The following PPP1R1C variants were observed in gnomAD, a reference collection of about 807,000 sequenced individuals.
The protein encoded by PPP1R1C is protein phosphatase 1 regulatory subunit 1C.
PPP1R1C carries 15 observed loss-of-function variants against 17.4 expected under a neutral mutation model. The observed-to-expected ratio is 0.86, with a 90% CI of 0.58 to 1.33. The LOEUF (loss-of-function observed/expected upper bound fraction) is 1.33, where lower values mean the gene tolerates loss of function less well. PPP1R1C is among the 40% of genes most tolerant of loss of function. The pLI is 0.00. For synonymous variants in PPP1R1C, 35 were observed against 43.1 expected (o/e 0.81, Z 0.73); for missense variants, 143 against 130.0 (o/e 1.10, Z -0.48).
chr2:181,986,635 A>G (rs140381108), intron 1 of PPP1R1C, among the ~76,000 whole-genome samples: 36 of 152,300 alleles, frequency 2.4e-4, no homozygotes, highest in African/African-American at 8.4e-4. Context: ...CTTTATTTTC[A>G]TATGTTTTAT....
At chr2:181,997,724 G>A (rs566439511) in intron 2 of PPP1R1C, among the ~76,000 whole-genome samples, 5 of 152,018 alleles carry the variant, frequency 3.3e-5, no homozygotes, top group South Asian at 4.2e-4. Context: ...CATGATTTAC[G>A]GACAGAAGTA....
At chr2:181,965,731 T>G (rs1353226323) in intron 1 of PPP1R1C, among the ~76,000 whole-genome samples, 1 of 152,170 alleles carries the variant, frequency 6.6e-6, no homozygotes, top group Non-Finnish European at 1.5e-5. Flanking sequence ...TGAAGTCAGG[T>G]AATGTGATCC....
chr2:182,018,961 T>C (rs888399939), intron 2 of PPP1R1C, among the ~76,000 whole-genome samples: 1 of 152,148 alleles, frequency 6.6e-6, no homozygotes, highest in Admixed American at 6.5e-5. Flanking sequence ...GAAAATACTT[T>C]TGTGGTGAAA....
Position 182,090,317 on chromosome 2 carries a change from C to G in PPP1R1C, c.241+26526C>G, listed in dbSNP as rs990855387. ...TGTGTGTGTGTGTGTGTGTGTGTGT[C>G]AGAGAGAGACAGAGAGCAAGAGAGA... On this transcript the variant is annotated intron_variant, in intron 4 of 4. Transcript: ENST00000682840. 1.4e-3 allele frequency among the ~76,000 whole-genome samples: 130 copies of G among 92,486 alleles called. 1 individual carries two copies. Among genetic ancestry groups the G allele is most frequent in the African/African-American group, 8.2e-3 (120 of 14,682 alleles). The allele number at this position is 92,486 out of a possible 152,430, so 60.7% of individuals were successfully genotyped here. A position where few individuals can be genotyped will look rare whatever the true frequency, so the allele number is the denominator to read the frequency against.
intron 4 of PPP1R1C, 59 bp from the exon 5 acceptor site, chr2:182,117,148 G>A: frequency 8.6e-7 from 1 of 1,158,330 alleles, no homozygotes; most frequent in Non-Finnish European, 1.2e-6. Flanking sequence ...TTGCAGCAAA[G>A]CGGTTAATAT....
At chr2:182,097,584 G>A (rs775486094) in intron 4 of PPP1R1C, among the ~76,000 whole-genome samples, 1 of 152,110 alleles carries the variant, frequency 6.6e-6, no homozygotes, top group Non-Finnish European at 1.5e-5. Flanking sequence ...CCATGAAACT[G>A]GTGAGATTTA....
chr2:182,079,625 G>A (rs1688412911), intron 4 of PPP1R1C, among the ~76,000 whole-genome samples: 1 of 152,190 alleles, frequency 6.6e-6, no homozygotes, highest in Non-Finnish European at 1.5e-5. Flanking sequence ...CTTTGTATCA[G>A]TTTTCAAGGA....
At chr2:181,977,687 A>T (rs2125135842) in intron 2 of PPP1R1C, among the ~76,000 whole-genome samples, 1 of 152,286 alleles carries the variant, frequency 6.6e-6, no homozygotes. Context: ...TTTGGAGGCC[A>T]GCAACCATTT....
chr2:182,063,933 A>G, intron 4 of PPP1R1C, 142 bp downstream of exon 4: 1 of 630,260 alleles, frequency 1.6e-6, no homozygotes, highest in Non-Finnish European at 2.9e-6. Flanking sequence ...TCAGTAAGAT[A>G]TCTTATCTAC....
At chr2:182,029,380 C>CT in intron 2 of PPP1R1C, among the ~76,000 whole-genome samples, 2 of 152,202 alleles carry the variant, frequency 1.3e-5, no homozygotes, top group Admixed American at 1.3e-4. Context: ...TTAGCACTTC[C>CT]TTCAGGAGCT....
At chr2:182,083,494 T>A (rs1055517945) in intron 4 of PPP1R1C, among the ~76,000 whole-genome samples, 43 of 152,326 alleles carry the variant, frequency 2.8e-4, no homozygotes, top group African/African-American at 8.7e-4. Context: ...AGCTCCCTCT[T>A]GTAATCAGGA....
chr2:182,129,091 T>C (rs1198988849), exon 6 of PPP1R1C: 2 of 152,178 alleles, frequency 1.3e-5, no homozygotes, highest in African/African-American at 4.8e-5. Flanking sequence ...TGATGCCACG[T>C]TGCTTTCTAC....
chr2:181,986,250 T>C, intron 1 of PPP1R1C, 59 bp downstream of exon 1: 1 of 1,272,908 alleles, frequency 7.9e-7, no homozygotes, highest in Non-Finnish European at 1.1e-6. Flanking sequence ...ACATGCATTC[T>C]GGTTATTAAT....
chr2:182,129,653 A>G (rs1183533131), exon 6 of PPP1R1C: 1 of 152,170 alleles, frequency 6.6e-6, no homozygotes, highest in Non-Finnish European at 1.5e-5. Flanking sequence ...GTTATAGATA[A>G]GAAAACTAGA....
chr2:181,990,240 G>A (rs1037348098), intron 2 of PPP1R1C, among the ~76,000 whole-genome samples: 2 of 151,808 alleles, frequency 1.3e-5, no homozygotes, highest in African/African-American at 2.4e-5. Context: ...CGGGGTTCAC[G>A]CCATTCTCCT....
intron 2 of PPP1R1C, among the ~76,000 whole-genome samples, chr2:182,046,897 G>A (rs1443745373): frequency 1.3e-5 from 2 of 152,008 alleles, no homozygotes; most frequent in African/African-American, 2.4e-5. Context: ...ATGTGCTCTG[G>A]CTGACTAATG....
At chr2:182,124,327 G>GTTTTTTTTTTGTTTTTT (rs1689816316) in intron 5 of PPP1R1C, among the ~76,000 whole-genome samples, 1 of 83,006 alleles carries the variant, frequency 1.2e-5, no homozygotes. Flanking sequence ...TTTTTTTTTT[G>GTTTTTTTTTTGTTTTTT]TTTTTTTTTT....
intron 4 of PPP1R1C, among the ~76,000 whole-genome samples, chr2:182,080,444 T>C (rs934413220): frequency 6.6e-6 from 1 of 152,234 alleles, no homozygotes; most frequent in Non-Finnish European, 1.5e-5. Context: ...GTAGAGTGGA[T>C]CTTGAGAGAA....
downstream of PPP1R1C, among the ~76,000 whole-genome samples, chr2:182,120,766 C>T (rs1481374626): frequency 6.6e-6 from 1 of 152,050 alleles, no homozygotes; most frequent in Non-Finnish European, 1.5e-5. Flanking sequence ...CAAAAAGAAA[C>T]CAAAGCTTTT....
Sources: gnomAD v4.1 joint callset for allele counts (sites outside exome capture counted in the v4.1 genomes callset) on GRCh38, gnomAD v4.1.1 for gene constraint, MANE v1.5 for transcripts, NCBI Gene and HGNC (gene_info 2026-07-23, HGNC 2026-07-21) for gene names.